The following DOCK10 variants were observed in gnomAD, a reference collection of about 807,000 sequenced individuals.
DOCK10 encodes dedicator of cytokinesis protein 10.
DOCK10 carries 145 observed loss-of-function variants against 280.1 expected under a neutral mutation model. That is an observed-to-expected ratio of 0.52 (90% CI 0.45 to 0.59). The LOEUF (loss-of-function observed/expected upper bound fraction) is 0.59. DOCK10 is among the 20% of genes least tolerant of loss of function. The pLI is 0.00. For missense variants in DOCK10, 2,368 were observed against 2,651.7 expected (o/e 0.89, Z 2.35); for synonymous variants, 915 against 942.2 (o/e 0.97, Z 0.53).
chr2:224,812,824 C>T (rs1223283110), intron 31 of DOCK10, among the ~76,000 whole-genome samples: 1 of 152,096 alleles, frequency 6.6e-6, no homozygotes. Context: ...GCCTTGCATC[C>T]CAGGGATGAA....
chr2:224,825,242 T>C (rs1292667252), intron 27 of DOCK10, among the ~76,000 whole-genome samples: 1 of 152,084 alleles, frequency 6.6e-6, no homozygotes, highest in African/African-American at 2.4e-5. Flanking sequence ...CTTCCCAAAG[T>C]GCTGGGATTA....
intron 27 of DOCK10, among the ~76,000 whole-genome samples, chr2:224,827,603 G>A (rs1304269797): frequency 1.3e-5 from 2 of 152,124 alleles, no homozygotes; most frequent in Non-Finnish European, 2.9e-5. Flanking sequence ...GATGTTAAGC[G>A]TCGTTTTCGT....
At chr2:224,795,693 G>A (rs889236503) in intron 44 of DOCK10, among the ~76,000 whole-genome samples, 1 of 152,192 alleles carries the variant, frequency 6.6e-6, no homozygotes, top group East Asian at 1.9e-4. Flanking sequence ...AGGCAAGATC[G>A]AGGCAGTAGA....
chr2:224,986,059 T>TG (rs1705966260), intron 1 of DOCK10, among the ~76,000 whole-genome samples: 1 of 152,176 alleles, frequency 6.6e-6, no homozygotes, highest in Admixed American at 6.5e-5. Context: ...TTTGGCATGA[T>TG]GGAGGTGAAG....
At position 224,886,088 on chromosome 2, in the gene DOCK10, G is replaced by A. The variant is rs771683635; in HGVS notation, c.587C>T (p.Thr196Ile). The A allele has an allele frequency of 6.2e-7, 1 of 1,613,772 alleles. No homozygotes were observed. Among genetic ancestry groups the A allele is most frequent in the Admixed American group, 1.7e-5 (1 of 59,992 alleles). Residue 196 changes from threonine (T) to isoleucine (I), a missense_variant, in exon 6 of 56, where the codon ACC (threonine) becomes ATC (isoleucine). Physicochemically the swap from Thr to Ile is moderately conservative, Grantham distance 89 (BLOSUM62 -1). Around this residue, in one of 2 missense-constraint regions of DOCK10, gnomAD observed 1,209 missense variants for 1,250.9 expected, o/e 0.97. Coordinates refer to ENST00000258390, the MANE Select transcript of DOCK10 (RefSeq NM_014689.3). ...GWLYKGNFNS[T>I]VNNTVTVRSF... is the part of the protein sequence containing the mutation. ...CCGAACAGTAACGGTGTTGTTCACG[G>A]TGCTGTTAAAATTCCCCTTGTAGAG... is the stretch of plus-strand genomic sequence containing the variant.
chr2:224,993,797 C>T (rs1223752936), intron 1 of DOCK10, among the ~76,000 whole-genome samples: 2 of 152,144 alleles, frequency 1.3e-5, no homozygotes, highest in African/African-American at 4.8e-5. Flanking sequence ...TCCAGGATTG[C>T]TGGGTTATGT....
intron 1 of DOCK10, among the ~76,000 whole-genome samples, chr2:225,028,217 G>A (rs1181230457): frequency 3.9e-5 from 6 of 152,130 alleles, no homozygotes; most frequent in Non-Finnish European, 8.8e-5. Flanking sequence ...AGTGGGAGAG[G>A]AAAGCAGAAG....
At chr2:225,019,951 TA>T (rs752552191) in intron 1 of DOCK10, among the ~76,000 whole-genome samples, 1 of 152,342 alleles carries the variant, frequency 6.6e-6, no homozygotes, top group East Asian at 1.9e-4. Flanking sequence ...TACATGGGTG[TA>T]AATTGCAAAC....
At chr2:224,808,144 T>A in intron 31 of DOCK10, 58 bp from the exon 32 acceptor site, 1 of 1,480,874 alleles carries the variant, frequency 6.8e-7, no homozygotes, top group Non-Finnish European at 9.2e-7. Flanking sequence ...ACTTTATAAT[T>A]GAGACAGATA....
intron 1 of DOCK10, among the ~76,000 whole-genome samples, chr2:225,031,374 G>A (rs1219996283): frequency 6.6e-6 from 1 of 152,176 alleles, no homozygotes; most frequent in East Asian, 1.9e-4. Context: ...GCCGCCTTGT[G>A]CATTTAAGGT....
At chr2:224,771,917 CTT>C (rs35364268) in intron 53 of DOCK10, among the ~76,000 whole-genome samples, 406 of 141,206 alleles carry the variant, frequency 2.9e-3, no homozygotes, top group African/African-American at 6.4e-3. Flanking sequence ...TTTTCTTTGG[CTT>C]TTTTTTTTTT....
At chr2:224,963,698 A>C (rs1396474800) in intron 1 of DOCK10, among the ~76,000 whole-genome samples, 1 of 152,246 alleles carries the variant, frequency 6.6e-6, no homozygotes, top group Non-Finnish European at 1.5e-5. Context: ...ATTTATTTTA[A>C]AGGGGAAGTA....
At chr2:224,801,349 GT>G (rs1693002060) in intron 40 of DOCK10, among the ~76,000 whole-genome samples, 1 of 149,814 alleles carries the variant, frequency 6.7e-6, no homozygotes, top group Admixed American at 6.7e-5. Flanking sequence ...TATCTGTCAT[GT>G]GATGTTATGC....
At chr2:224,983,890 G>A (rs1019659393) in intron 1 of DOCK10, 2 of 470,840 alleles carry the variant, frequency 4.2e-6, no homozygotes, top group Admixed American at 4.7e-5. Flanking sequence ...AGACTGCCCG[G>A]GTGCTAATCT....
Position 224,931,679 on chromosome 2 carries a change from A to T in DOCK10, c.124-11T>A, listed in dbSNP as rs1702386981. 1.9e-6 allele frequency: 3 copies of T among 1,584,068 alleles called. No homozygotes were observed. In the East Asian group the frequency reaches 6.8e-5, roughly 36 times the overall value. The stretch of plus-strand genomic sequence containing the variant: ...CCTAGGCTTTTCTTGCTGTAGAAAA[A>T]GAAAATATGGTATTAATCACTGACA... On this transcript the variant is annotated splice_polypyrimidine_tract_variant and intron_variant, in intron 1 of 55. Transcript: ENST00000258390.
intron 1 of DOCK10, among the ~76,000 whole-genome samples, chr2:224,964,483 CT>C (rs36036971): frequency 0.59 from 88,167 of 150,226 alleles, 26,214 homozygotes; most frequent in Non-Finnish European, 0.64. Flanking sequence ...TTTCTTTCTT[CT>C]TTTTTTTTTC....
At chr2:224,864,503 C>CGG in intron 13 of DOCK10, 50 bp downstream of exon 13, 2 of 1,462,406 alleles carry the variant, frequency 1.4e-6, no homozygotes, top group Non-Finnish European at 1.8e-6. Flanking sequence ...GGGAGAGACT[C>CGG]TATTAAAAAA....
At chr2:224,981,979 T>C (rs1201944481) in intron 1 of DOCK10, among the ~76,000 whole-genome samples, 2 of 152,212 alleles carry the variant, frequency 1.3e-5, no homozygotes, top group Non-Finnish European at 2.9e-5. Context: ...AGAGAATTTC[T>C]GGTAGACCGA....
chr2:224,832,733 T>C (rs1471376415), intron 26 of DOCK10, among the ~76,000 whole-genome samples: 3 of 152,216 alleles, frequency 2.0e-5, no homozygotes, highest in Non-Finnish European at 4.4e-5. Context: ...AGCCATCGTG[T>C]CAAGTGTTCC....
Sources: gnomAD v4.1 joint callset for allele counts (sites outside exome capture counted in the v4.1 genomes callset) on GRCh38, gnomAD v4.1.1 for gene constraint, gnomAD v4.1.1 regional missense constraint, MANE v1.5 for transcripts, NCBI Gene and HGNC (gene_info 2026-07-23, HGNC 2026-07-21) for gene names.